The following USP20 variants were observed in gnomAD, a reference collection of about 807,000 sequenced individuals.
USP20 encodes ubiquitin specific peptidase 20, also known as ubiquitin carboxyl-terminal hydrolase 20.
USP20 carries 80 observed loss-of-function variants against 124.2 expected under a neutral mutation model. That is an observed-to-expected ratio of 0.64 (90% CI 0.54 to 0.78). USP20 has a LOEUF of 0.78. USP20 is among the 30% of genes least tolerant of loss of function. The probability of loss-of-function intolerance (pLI) is 0.00; values close to 1 mark genes in which losing one functional copy is unlikely to be tolerated. For missense variants in USP20, 1,043 were observed against 1,244.4 expected (o/e 0.84, Z 2.44); for synonymous variants, 481 against 512.3 (o/e 0.94, Z 0.83).
In USP20 at chr9:129,868,329, A is replaced by T. The variant is rs752788461; in HGVS notation, c.1015A>T (p.Thr339Ser). The stretch of plus-strand genomic sequence containing the variant: ...CAAGTTCTCCTGGGGCCAGCAGCGT[A>T]CAAACTCGGAGCAAGTGGACGAGGA... ...DRKFSWGQQR[T>S]NSEQVDEDAD... The change falls in exon 11 of 26, where the codon ACA (threonine) becomes TCA (serine). Residue 339 changes from threonine (T) to serine (S), a missense_variant. Transcript: ENST00000372429. The T allele has an allele frequency of 1.9e-6, 3 of 1,613,606 alleles. No homozygotes were observed. Among genetic ancestry groups the T allele is most frequent in the Non-Finnish European group, 2.5e-6 (3 of 1,179,922 alleles).
intron 1 of USP20, among the ~76,000 whole-genome samples, chr9:129,841,956 A>G (rs939993782): frequency 6.6e-6 from 1 of 152,132 alleles, no homozygotes; most frequent in African/African-American, 2.4e-5. Flanking sequence ...TGTGACTTCT[A>G]TTCCTACCAA....
chr9:129,878,456 A>G lies in USP20; in HGVS notation c.2512+16A>G, dbSNP rs770726884. 2 of 1,581,718 alleles carry G rather than the reference A, an allele frequency of 1.3e-6. No homozygotes were observed. The highest frequency in any genetic ancestry group is 1.7e-6 in the Non-Finnish European group (2 of 1,160,984). Reference sequence around the variant, plus strand: ...AAGGACAACGGTGAGCTGAGGGGGGACCTGGCACTTACCTGCCCTGGGGGC... The same window carrying G: ...AAGGACAACGGTGAGCTGAGGGGGGGCCTGGCACTTACCTGCCCTGGGGGC... On this transcript the variant is annotated intron_variant, in intron 23 of 25. Transcript: ENST00000372429.
intron 5 of USP20, 141 bp from the exon 6 acceptor site, chr9:129,858,326 T>A (rs1218795871): frequency 2.5e-5 from 32 of 1,290,042 alleles, no homozygotes; most frequent in Non-Finnish European, 1.9e-5. Flanking sequence ...TGACTGGGGG[T>A]GGGTAAGCAA....
intron 4 of USP20, among the ~76,000 whole-genome samples, chr9:129,857,079 AAAC>A (rs2033254327): frequency 6.6e-6 from 1 of 152,044 alleles, no homozygotes. Context: ...CCACGAGTAA[AAAC>A]AACAAAGACA....
Position 129,868,908 on chromosome 9 carries a change from C to T in USP20, c.1182C>T (p.Ser394=). 6.2e-7 allele frequency: 1 copy of T among 1,610,764 alleles called. No individual in the cohort carries two copies. The change falls in exon 12 of 26, where the codon AGC becomes AGT. Residue 394 remains serine, a synonymous_variant. Coordinates refer to ENST00000372429, the MANE Select transcript of USP20 (RefSeq NM_001110303.4). ...AHLRSSSRPC[S]PVHHHEGHAK... Reference sequence around the variant, plus strand: ...TACGCAGCTCCTCTCGCCCCTGCAGCCCCGTCCACCACCACGAGGGCCATG... The same window carrying T: ...TACGCAGCTCCTCTCGCCCCTGCAGTCCCGTCCACCACCACGAGGGCCATG...
chr9:129,855,446 AAG>A (rs2033162988), intron 3 of USP20, among the ~76,000 whole-genome samples: 1 of 151,906 alleles, frequency 6.6e-6, no homozygotes, highest in Admixed American at 6.6e-5. Flanking sequence ...AAAAAAAAAA[AAG>A]AAGTTTCTTT....
chr9:129,843,117 A>ATT (rs111656983), intron 1 of USP20, among the ~76,000 whole-genome samples: 5,450 of 140,496 alleles, frequency 0.039, 372 homozygotes, highest in African/African-American at 0.14. Context: ...TTGACCAATA[A>ATT]TTTTTTTTTT....
intron 6 of USP20, 26 bp from the exon 7 acceptor site, chr9:129,860,911 T>G (rs202074057): frequency 1.2e-6 from 2 of 1,611,146 alleles, no homozygotes; most frequent in Non-Finnish European, 1.7e-6. Flanking sequence ...GTTCACTGTT[T>G]TCCTCACTTT....
intron 19 of USP20, among the ~76,000 whole-genome samples, 170 bp downstream of exon 19, chr9:129,875,125 C>T (rs75864528): frequency 6.6e-6 from 1 of 152,184 alleles, no homozygotes; most frequent in Non-Finnish European, 1.5e-5. Flanking sequence ...AGGAAGGCAG[C>T]TTGGAGCCTT....
Position 129,873,472 on chromosome 9 carries a change from A to G in USP20, c.1661-10A>G. 4 of 1,613,962 alleles carry G rather than the reference A, an allele frequency of 2.5e-6. No individual in the cohort carries two copies. Among genetic ancestry groups the G allele is most frequent in the Non-Finnish European group, 3.4e-6 (4 of 1,179,970 alleles). On this transcript the variant is annotated splice_polypyrimidine_tract_variant and intron_variant, in intron 15 of 25. Coordinates refer to ENST00000372429, the MANE Select transcript of USP20 (RefSeq NM_001110303.4). Reference sequence around the variant, plus strand: ...TTGCTAACCTCTGACCCTTTGTTTTACTGCCCTAGGTGACAACATGTACAG... The same window carrying G: ...TTGCTAACCTCTGACCCTTTGTTTTGCTGCCCTAGGTGACAACATGTACAG...
intron 1 of USP20, among the ~76,000 whole-genome samples, chr9:129,846,753 A>C (rs1489519437): frequency 6.7e-6 from 1 of 149,346 alleles, no homozygotes; most frequent in South Asian, 2.1e-4. Flanking sequence ...CAGCCTCCCT[A>C]CTAGCTGGGA....
intron 1 of USP20, 35 bp from the exon 2 acceptor site, chr9:129,849,778 C>G (rs2032795779): frequency 6.6e-6 from 1 of 152,386 alleles, no homozygotes; most frequent in Non-Finnish European, 1.5e-5. Flanking sequence ...GTAATAATAA[C>G]AGAACTGTGT....
chr9:129,876,183 T>C lies in USP20; in HGVS notation c.2354T>C (p.Val785Ala), dbSNP rs1312311455. 7 of 1,613,190 alleles carry C rather than the reference T, an allele frequency of 4.3e-6. No individual in the cohort carries two copies. Among genetic ancestry groups the C allele is most frequent in the Non-Finnish European group, 2.5e-6 (3 of 1,179,982 alleles). Residue 785 changes from valine (V) to alanine (A), a missense_variant, in exon 22 of 26, where the codon GTG becomes GCG. By Grantham distance (64) the Val-to-Ala change is moderately conservative. Transcript: ENST00000372429. Reference protein sequence around the residue: ...NHLYVCSICQVEIEALAKRRR... With the variant: ...NHLYVCSICQAEIEALAKRRR... ...CTGTACGTGTGCTCCATCTGCCAGG[T>C]GGAGATCGAGGCACTGGCCAAGCGC...
At chr9:129,851,166 A>G (rs2032897121) in intron 2 of USP20, among the ~76,000 whole-genome samples, 2 of 152,152 alleles carry the variant, frequency 1.3e-5, no homozygotes, top group Admixed American at 6.5e-5. Context: ...TTCTTTTGAA[A>G]TAATTATAGA....
In USP20 at chr9:129,879,594, A is replaced by G; in HGVS notation, c.2534A>G (p.Asn845Ser). Residue 845 changes from asparagine (N) to serine (S), a missense_variant, in exon 24 of 26, where the codon AAC (asparagine) becomes AGC (serine). By Grantham distance (46) the Asn-to-Ser change is conservative (BLOSUM62 1). Transcript: ENST00000372429. The surrounding 1 kb of genome is among the most constrained non-coding windows in gnomAD (Gnocchi z 4.2). ...KDNEPPGPID[N>S]SRIAQVKGSG... is the part of the protein sequence containing the mutation. ...GCAGAGCCCCCCGGGCCCATTGACA[A>G]CAGCAGGATTGCACAGGTCAAAGGA... is the stretch of plus-strand genomic sequence containing the variant. 2 of 1,613,672 alleles carry G rather than the reference A, an allele frequency of 1.2e-6. No homozygotes were observed. Among genetic ancestry groups the G allele is most frequent in the Non-Finnish European group, 1.7e-6 (2 of 1,179,936 alleles).
chr9:129,877,313 G>T (rs1475595739), intron 22 of USP20, among the ~76,000 whole-genome samples: 5 of 152,210 alleles, frequency 3.3e-5, no homozygotes, highest in Admixed American at 2.0e-4. Flanking sequence ...GAGCCCAGGA[G>T]TTCAAGACCA....
intron 14 of USP20, chr9:129,870,203 A>AG: frequency 1.7e-6 from 1 of 572,226 alleles, no homozygotes; most frequent in Non-Finnish European, 3.1e-6. Flanking sequence ...GACCCCAGGG[A>AG]GGGGGTAGCA....
intron 1 of USP20, among the ~76,000 whole-genome samples, chr9:129,838,561 G>C (rs979682178): frequency 6.6e-6 from 1 of 152,192 alleles, no homozygotes; most frequent in African/African-American, 2.4e-5. Flanking sequence ...TTACAGAGCA[G>C]AGTTGTGCCT....
intron 1 of USP20, among the ~76,000 whole-genome samples, chr9:129,838,329 A>G (rs921457059): frequency 2.7e-4 from 41 of 152,310 alleles, no homozygotes; most frequent in African/African-American, 8.2e-4. Flanking sequence ...GGTGTGAGCC[A>G]CTGTGCCCGG....
Sources: gnomAD v4.1 joint callset for allele counts (sites outside exome capture counted in the v4.1 genomes callset) on GRCh38, gnomAD v4.1.1 for gene constraint, Gnocchi (gnomAD v3.1) non-coding constraint, MANE v1.5 for transcripts, NCBI Gene and HGNC (gene_info 2026-07-23, HGNC 2026-07-21) for gene names.